Variants in GRIK4 observed in about 807,000 individuals in gnomAD.
GRIK4 encodes the protein glutamate ionotropic receptor kainate type subunit 4, also known as glutamate receptor ionotropic, kainate 4.
In GRIK4, 40 loss-of-function variants were observed where a neutral mutation model predicts 104.9. The ratio of observed to expected loss-of-function variants is 0.38; its 90% CI spans 0.30 to 0.50. The LOEUF is 0.50. Ranked by LOEUF, GRIK4 falls within the 20% of genes least tolerant of loss-of-function variation. The pLI, the probability that GRIK4 is intolerant of heterozygous loss-of-function variation, is 0.93. For missense variants in GRIK4, 1,047 were observed against 1,308.1 expected (o/e 0.80, Z 3.08); for synonymous variants, 485 against 524.9 (o/e 0.92, Z 1.04).
chr11:120,626,100 G>T (rs979530840), intron 1 of GRIK4, among the ~76,000 whole-genome samples: 2 of 152,146 alleles, frequency 1.3e-5, no homozygotes, highest in Non-Finnish European at 2.9e-5. Context: ...GTGTCCCCCC[G>T]CCCCAACAAA....
intron 3 of GRIK4, among the ~76,000 whole-genome samples, chr11:120,749,220 C>CA (rs1254513098): frequency 1.3e-5 from 2 of 152,080 alleles, no homozygotes; most frequent in Non-Finnish European, 2.9e-5. Context: ...AACATCCTCC[C>CA]AGTCTTCTGC....
rs57401981 is a variant in GRIK4, at chr11:120,899,418, CAA to C, written c.1272+801_1272+802del. Among the ~76,000 whole-genome samples, 604 of 71,822 alleles carry C rather than the reference CAA, an allele frequency of 8.4e-3. 5 individuals are homozygous for C. The highest frequency in any genetic ancestry group is 0.019 in the African/African-American group (387 of 20,176). 47.1% of individuals were successfully genotyped at this position (71,822 alleles called of 152,430 possible). A position where few individuals can be genotyped will look rare whatever the true frequency, so the allele number is the denominator to read the frequency against. ...CCTGGGTGACAGAGTGAGACTGTCTCAAAAAAAAAAAAAAAAAAAAAAATACA... is the reference window on the plus strand; with the variant it reads ...CCTGGGTGACAGAGTGAGACTGTCTCAAAAAAAAAAAAAAAAAAAAATACA... On this transcript the variant is annotated intron_variant, in intron 12 of 20. Coordinates refer to ENST00000527524, the MANE Select transcript of GRIK4 (RefSeq NM_014619.5).
chr11:120,686,601 A>G (rs996354565), intron 3 of GRIK4, among the ~76,000 whole-genome samples: 2 of 152,238 alleles, frequency 1.3e-5, no homozygotes, highest in African/African-American at 4.8e-5. Flanking sequence ...GAAGGCTTGC[A>G]TGTTACTCTC....
intron 1 of GRIK4, among the ~76,000 whole-genome samples, chr11:120,604,416 G>A (rs191271805): frequency 1.6e-4 from 24 of 152,332 alleles, no homozygotes; most frequent in Non-Finnish European, 2.2e-4. Context: ...GAATGGGGAA[G>A]CACCGTTTGG....
At chr11:120,899,487 A>G (rs1942674913) in intron 12 of GRIK4, among the ~76,000 whole-genome samples, 1 of 150,298 alleles carries the variant, frequency 6.7e-6, no homozygotes, top group African/African-American at 2.5e-5. Context: ...ATTCTCCTCT[A>G]TTCAGTAATT....
At chr11:120,743,850 A>G (rs890122818) in intron 3 of GRIK4, among the ~76,000 whole-genome samples, 4 of 152,246 alleles carry the variant, frequency 2.6e-5, no homozygotes, top group African/African-American at 9.6e-5. Flanking sequence ...GAGCAATAGT[A>G]TCTGCCTTGA....
chr11:120,943,151 C>CACACACACA (rs869038854), intron 14 of GRIK4, among the ~76,000 whole-genome samples: 17 of 98,542 alleles, frequency 1.7e-4, no homozygotes, highest in East Asian at 5.7e-4. Flanking sequence ...CACACACACA[C>CACACACACA]CCCCCTGACT....
intron 11 of GRIK4, among the ~76,000 whole-genome samples, chr11:120,881,089 A>G (rs11600866): frequency 0.074 from 11,279 of 152,180 alleles, 1,326 homozygotes; most frequent in African/African-American, 0.25. Flanking sequence ...AGTGCTTTTC[A>G]GTTCGTCTAG....
At chr11:120,716,714 G>A (rs925634676) in intron 3 of GRIK4, among the ~76,000 whole-genome samples, 1 of 152,172 alleles carries the variant, frequency 6.6e-6, no homozygotes, top group Admixed American at 6.5e-5. Flanking sequence ...CAGCACCCCT[G>A]ACCTGACATT....
chr11:120,602,708 C>A (rs2135132340), intron 1 of GRIK4, among the ~76,000 whole-genome samples: 1 of 152,244 alleles, frequency 6.6e-6, no homozygotes, highest in East Asian at 1.9e-4. Context: ...GTATCTTCTT[C>A]TTATTAGCAT....
chr11:120,727,777 T>C (rs1334556392), intron 3 of GRIK4, among the ~76,000 whole-genome samples: 1 of 152,018 alleles, frequency 6.6e-6, no homozygotes, highest in Admixed American at 6.5e-5. Context: ...AACATTATTT[T>C]ATAAATGAAA....
At chr11:120,671,304 T>G (rs1300446238) in intron 3 of GRIK4, among the ~76,000 whole-genome samples, 1 of 152,230 alleles carries the variant, frequency 6.6e-6, no homozygotes, top group Admixed American at 6.5e-5. Context: ...GTTGAACTAA[T>G]TTACACTCCC....
chr11:120,791,793 A>G (rs924722288), intron 3 of GRIK4, among the ~76,000 whole-genome samples: 1 of 152,166 alleles, frequency 6.6e-6, no homozygotes, highest in East Asian at 1.9e-4. Context: ...GGATTTCTTT[A>G]ACATATGGAT....
chr11:120,966,933 A>T (rs936397474), intron 18 of GRIK4, among the ~76,000 whole-genome samples: 1 of 152,116 alleles, frequency 6.6e-6, no homozygotes, highest in Non-Finnish European at 1.5e-5. Flanking sequence ...CATGGGCTGG[A>T]CCTGCCAGTC....
intron 1 of GRIK4, among the ~76,000 whole-genome samples, chr11:120,621,609 G>T (rs1291585097): frequency 2.0e-5 from 3 of 152,126 alleles, no homozygotes; most frequent in Non-Finnish European, 4.4e-5. Flanking sequence ...ATGGGAGTTG[G>T]GTTAGTGTGC....
At chr11:120,921,414 T>C (rs1272049921) in intron 13 of GRIK4, among the ~76,000 whole-genome samples, 2 of 152,226 alleles carry the variant, frequency 1.3e-5, no homozygotes, top group Non-Finnish European at 1.5e-5. Context: ...CCAGCGTTGA[T>C]GCCAAAGCAC....
intron 13 of GRIK4, among the ~76,000 whole-genome samples, chr11:120,920,840 C>T (rs1230967070): frequency 1.3e-5 from 2 of 151,828 alleles, no homozygotes; most frequent in Non-Finnish European, 3.0e-5. Flanking sequence ...TATGCCCTGC[C>T]TGGCACCAGC....
chr11:120,557,777 G>A (rs1410691647), intron 1 of GRIK4, among the ~76,000 whole-genome samples: 1 of 152,180 alleles, frequency 6.6e-6, no homozygotes, highest in Non-Finnish European at 1.5e-5. Context: ...AGCACTTTGG[G>A]AGGCCGAGGC....
chr11:120,828,122 T>G (rs887488045), intron 6 of GRIK4, among the ~76,000 whole-genome samples: 1 of 152,134 alleles, frequency 6.6e-6, no homozygotes, highest in Non-Finnish European at 1.5e-5. Context: ...TTTAGTTACT[T>G]TCTTCCCCCA....
Sources: gnomAD v4.1 joint callset for allele counts (sites outside exome capture counted in the v4.1 genomes callset) on GRCh38, gnomAD v4.1.1 for gene constraint, MANE v1.5 for transcripts, NCBI Gene and HGNC (gene_info 2026-07-23, HGNC 2026-07-21) for gene names.